The following ZC3HC1 variants were observed in gnomAD, a reference collection of about 807,000 sequenced individuals.
ZC3HC1 encodes the protein zinc finger C3HC-type containing 1.
A neutral mutation model predicts 61.9 loss-of-function variants in ZC3HC1; 38 were observed. The ratio of observed to expected loss-of-function variants is 0.61; its 90% CI spans 0.47 to 0.81. ZC3HC1 has a LOEUF of 0.81. Ranked by LOEUF, ZC3HC1 falls within the 30% of genes least tolerant of loss-of-function variation. The pLI is 0.00. For synonymous variants in ZC3HC1, 213 were observed against 229.9 expected (o/e 0.93, Z 0.67); for missense variants, 554 against 622.7 (o/e 0.89, Z 1.17).
At chr7:130,040,182 TAAAAAAAAAAAAAA>T (rs34814353) in intron 3 of ZC3HC1, among the ~76,000 whole-genome samples, 3 of 35,332 alleles carry the variant, frequency 8.5e-5, no homozygotes, top group African/African-American at 2.4e-4. Context: ...TAGCTTAGTT[TAAAAAAAAAAAAAA>T]AAAAAAAAAA....
chr7:130,051,200 A>G (rs769909049), intron 1 of ZC3HC1, 21 bp downstream of exon 1: 69 of 1,581,504 alleles, frequency 4.4e-5, no homozygotes, highest in Non-Finnish European at 5.9e-5. Flanking sequence ...CGCCGGACCC[A>G]GGGTTAACTC....
intron 1 of ZC3HC1, chr7:130,050,601 A>C: frequency 2.0e-6 from 2 of 996,692 alleles, no homozygotes; most frequent in Non-Finnish European, 2.8e-6. Flanking sequence ...GAAGGTAAAA[A>C]CACCATAGTA....
chr7:130,021,519 T>C (rs1202874483), intron 9 of ZC3HC1, among the ~76,000 whole-genome samples: 1 of 152,168 alleles, frequency 6.6e-6, no homozygotes, highest in Non-Finnish European at 1.5e-5. Context: ...ACAGCAGTTA[T>C]GGCTGCAATG....
intron 9 of ZC3HC1, among the ~76,000 whole-genome samples, chr7:130,020,832 C>T (rs766267065): frequency 1.1e-4 from 16 of 152,094 alleles, no homozygotes; most frequent in African/African-American, 2.7e-4. Flanking sequence ...CAGAGAAATG[C>T]GGATTTTTTT....
intron 4 of ZC3HC1, among the ~76,000 whole-genome samples, chr7:130,032,633 G>C (rs1391402588): frequency 6.8e-6 from 1 of 147,872 alleles, no homozygotes; most frequent in Non-Finnish European, 1.5e-5. Context: ...GAGAGAGAGA[G>C]AGAGGAGAGA....
chr7:130,019,808 G>GGT (rs1563072128), intron 9 of ZC3HC1, among the ~76,000 whole-genome samples: 1 of 136,770 alleles, frequency 7.3e-6, no homozygotes, highest in Non-Finnish European at 1.6e-5. Flanking sequence ...CGCTTTCACA[G>GGT]GTTTTTTTTT....
At chr7:130,046,811 C>T (rs527790281) in intron 2 of ZC3HC1, among the ~76,000 whole-genome samples, 33 of 152,050 alleles carry the variant, frequency 2.2e-4, no homozygotes, top group South Asian at 4.2e-4. Flanking sequence ...TTTTTTGAGA[C>T]GGAGTCTTCT....
At chr7:130,020,680 C>G (rs1793602188) in intron 9 of ZC3HC1, among the ~76,000 whole-genome samples, 1 of 151,986 alleles carries the variant, frequency 6.6e-6, no homozygotes, top group African/African-American at 2.4e-5. Flanking sequence ...AAAAAAAAGT[C>G]CTGGAATCCA....
chr7:130,026,821 T>C (rs775735397), intron 5 of ZC3HC1: 1 of 151,232 alleles, frequency 6.6e-6, no homozygotes, highest in Non-Finnish European at 1.5e-5. Flanking sequence ...TACAAAAAAA[T>C]TGGCCGGGCG....
chr7:130,034,204 G>A (rs545636878), intron 4 of ZC3HC1, among the ~76,000 whole-genome samples: 1 of 146,928 alleles, frequency 6.8e-6, no homozygotes, highest in African/African-American at 2.5e-5. Flanking sequence ...AGACAGGGTC[G>A]GCAGGGCATT....
At chr7:130,047,372 A>G (rs1794906294) in intron 2 of ZC3HC1, among the ~76,000 whole-genome samples, 1 of 152,216 alleles carries the variant, frequency 6.6e-6, no homozygotes, top group African/African-American at 2.4e-5. Flanking sequence ...CTAGGATTAC[A>G]GGCGTAAGCC....
intron 2 of ZC3HC1, among the ~76,000 whole-genome samples, chr7:130,044,243 C>T (rs540785398): frequency 1.3e-5 from 2 of 152,280 alleles, no homozygotes; most frequent in East Asian, 3.9e-4. Context: ...AGGCTGGTCT[C>T]TCCTGGGCTC....
At chr7:130,051,143 C>A in intron 1 of ZC3HC1, 78 bp downstream of exon 1, 1 of 1,511,636 alleles carries the variant, frequency 6.6e-7, no homozygotes, top group Non-Finnish European at 8.8e-7. Flanking sequence ...CGAGGGGAAC[C>A]TCCCCCAACC....
At chr7:130,024,856 C>T (rs1290323877) in intron 6 of ZC3HC1, among the ~76,000 whole-genome samples, 1 of 12,484 alleles carries the variant, frequency 8.0e-5, no homozygotes, top group Non-Finnish European at 2.0e-4. Flanking sequence ...CCAGCCTGAC[C>T]AACAACAACA....
chr7:130,044,633 T>C (rs1316101873), intron 2 of ZC3HC1, among the ~76,000 whole-genome samples: 1 of 152,232 alleles, frequency 6.6e-6, no homozygotes, highest in Non-Finnish European at 1.5e-5. Context: ...ACATAAAGTT[T>C]GATAAGGACT....
At chr7:130,032,604 C>T (rs1794246210) in intron 4 of ZC3HC1, among the ~76,000 whole-genome samples, 1 of 149,530 alleles carries the variant, frequency 6.7e-6, no homozygotes, top group Admixed American at 6.8e-5. Context: ...TATGATTGTG[C>T]CACTGCACTG....
At chr7:130,032,830 G>A (rs1196541406) in intron 4 of ZC3HC1, among the ~76,000 whole-genome samples, 2 of 139,946 alleles carry the variant, frequency 1.4e-5, no homozygotes, top group African/African-American at 5.4e-5. Flanking sequence ...AGGGAAGGAA[G>A]GGAAAGATGG....
rs374656837 is a variant in ZC3HC1 at position 130,024,240 on chromosome 7, C to T, written c.1020+23G>A. 2.6e-6 allele frequency: 4 copies of T among 1,555,358 alleles called. No homozygotes were observed. In the African/African-American group the frequency reaches 5.5e-5, roughly 21 times the overall value. On this transcript the variant is annotated intron_variant, in intron 7 of 9. Coordinates refer to ENST00000358303, the MANE Select transcript of ZC3HC1 (RefSeq NM_016478.5). Reference sequence around the variant, plus strand: ...GCCAAGAATGTTGTTTAAAATTCCACCCCAAATAAGCTAAGTGAATACCTG... The same window carrying T: ...GCCAAGAATGTTGTTTAAAATTCCATCCCAAATAAGCTAAGTGAATACCTG...
chr7:130,023,445 T>C lies in ZC3HC1; in HGVS notation c.1233+66A>G, dbSNP rs1793735806. 4.0e-6 allele frequency: 6 copies of C among 1,498,946 alleles called. No individual in the cohort carries two copies. Among genetic ancestry groups the C allele is most frequent in the South Asian group, 3.6e-5 (3 of 83,432 alleles). The allele number at this position is 1,498,946 out of a possible 1,614,324, so 92.9% of individuals were successfully genotyped here. ...GGAAGGGCTCCTGCCTGCTTCTCCA[T>C]GCTGCCTAGGGAGGGCCCAATATGC... On this transcript the variant is annotated intron_variant, in intron 8 of 9. Coordinates refer to ENST00000358303, the MANE Select transcript of ZC3HC1 (RefSeq NM_016478.5). This position sits in a 1 kb window ranked among gnomAD's most constrained non-coding sequence, Gnocchi z 4.2.
Sources: allele counts gnomAD v4.1 joint callset (sites outside exome capture counted in the v4.1 genomes callset), GRCh38; gene constraint gnomAD v4.1.1; non-coding constraint Gnocchi (gnomAD v3.1); transcripts MANE v1.5; gene names NCBI Gene and HGNC (gene_info 2026-07-23, HGNC 2026-07-21).